ASB3: variants seen among roughly 807,000 people sequenced by gnomAD.
ASB3 encodes ankyrin repeat and SOCS box protein 3.
ASB3 carries 41 observed loss-of-function variants against 54.5 expected under a neutral mutation model. That is an observed-to-expected ratio of 0.75 (90% CI 0.59 to 0.98). The LOEUF (loss-of-function observed/expected upper bound fraction) is 0.98, where lower values mean the gene tolerates loss of function less well. Ranked by LOEUF, ASB3 falls within the 50% of genes least tolerant of loss-of-function variation. The pLI is 0.00. For missense variants in ASB3, 733 were observed against 620.0 expected, an observed-to-expected ratio of 1.18 and a Z score of -1.94; for synonymous variants, 266 against 221.2, an observed-to-expected ratio of 1.20 and a Z score of -1.80.
intron 3 of ASB3, among the ~76,000 whole-genome samples, chr2:53,746,195 TGAG>T (rs1476714368): frequency 1.3e-5 from 2 of 152,160 alleles, no homozygotes; most frequent in Admixed American, 6.5e-5. Context: ...CTCAAGAGGC[TGAG>T]GCAGGAGGAT....
At chr2:53,676,966 G>A (rs1033897507) in intron 9 of ASB3, among the ~76,000 whole-genome samples, 4 of 151,910 alleles carry the variant, frequency 2.6e-5, no homozygotes, top group Non-Finnish European at 4.4e-5. Flanking sequence ...ACAGGATTTC[G>A]CCATGTTGGC....
At chr2:53,703,742 A>G (rs535983729) in intron 7 of ASB3, among the ~76,000 whole-genome samples, 1 of 152,354 alleles carries the variant, frequency 6.6e-6, no homozygotes, top group South Asian at 2.1e-4. Flanking sequence ...CAAATAGTAA[A>G]TTAATAGATT....
At chr2:53,752,232 A>G (rs185721158) in intron 2 of ASB3, among the ~76,000 whole-genome samples, 1 of 152,260 alleles carries the variant, frequency 6.6e-6, no homozygotes, top group African/African-American at 2.4e-5. Flanking sequence ...ACTCAAGTTG[A>G]TAAGTCTAGG....
intron 1 of ASB3, among the ~76,000 whole-genome samples, chr2:53,769,142 C>T (rs904594608): frequency 2.0e-5 from 3 of 152,122 alleles, no homozygotes; most frequent in African/African-American, 7.2e-5. Flanking sequence ...AATGTCATGG[C>T]CAAAGTATCT....
chr2:53,704,275 G>A (rs555802407), intron 7 of ASB3, among the ~76,000 whole-genome samples: 2 of 148,996 alleles, frequency 1.3e-5, no homozygotes, highest in Non-Finnish European at 1.5e-5. Context: ...CATGAGAAAC[G>A]CCACAACCCA....
At chr2:53,735,068 C>T (rs1208129215) in intron 3 of ASB3, among the ~76,000 whole-genome samples, 1 of 151,868 alleles carries the variant, frequency 6.6e-6, no homozygotes, top group Non-Finnish European at 1.5e-5. Context: ...TATAGACGTA[C>T]ACCTCCATGC....
intron 3 of ASB3, among the ~76,000 whole-genome samples, chr2:53,731,272 C>A (rs76733340): frequency 6.6e-6 from 1 of 151,936 alleles, no homozygotes; most frequent in Non-Finnish European, 1.5e-5. Context: ...CATGGTGGCA[C>A]GCACCTGTAA....
At chr2:53,756,043 G>A (rs1335129030) in intron 2 of ASB3, among the ~76,000 whole-genome samples, 1 of 150,660 alleles carries the variant, frequency 6.6e-6, no homozygotes, top group African/African-American at 2.4e-5. Context: ...GCATATGTCT[G>A]CGGTCCCAGT....
rs144428291 is a variant in ASB3 at position 53,699,441 on chromosome 2, G to A, written c.1238+830C>T. On this transcript the variant is annotated intron_variant, in intron 8 of 9. Transcript: ENST00000263634. ...CTGAAAGTACTGGGCAAGTCATATCGAATCAGAGTTAATAGCTTTGGTAGA... is the reference window on the plus strand; with the variant it reads ...CTGAAAGTACTGGGCAAGTCATATCAAATCAGAGTTAATAGCTTTGGTAGA... Among the ~76,000 whole-genome samples the A allele has an allele frequency of 5.8e-4, 89 of 152,292 alleles. 2 individuals are homozygous for A. The East Asian group carries it at 0.016, about 27-fold the overall frequency.
At chr2:53,711,000 C>T (rs1295069917) in intron 7 of ASB3, among the ~76,000 whole-genome samples, 3 of 151,886 alleles carry the variant, frequency 2.0e-5, no homozygotes, top group Non-Finnish European at 4.4e-5. Context: ...CATGGTGGCG[C>T]ACAACCGTAG....
intron 5 of ASB3, among the ~76,000 whole-genome samples, chr2:53,726,988 T>C (rs1230450089): frequency 6.6e-6 from 1 of 152,060 alleles, no homozygotes; most frequent in Non-Finnish European, 1.5e-5. Context: ...CACTAATAAT[T>C]GAAACTTATG....
intron 2 of ASB3, among the ~76,000 whole-genome samples, chr2:53,764,200 A>T (rs1673307700): frequency 6.6e-6 from 1 of 152,188 alleles, no homozygotes; most frequent in African/African-American, 2.4e-5. Context: ...TGCAGGAAAG[A>T]GGGTCTGAAT....
rs549477625 is a variant in ASB3, at chr2:53,779,619, T to A, written c.-14+7202A>T. 5.9e-5 allele frequency among the ~76,000 whole-genome samples: 9 copies of A among 152,248 alleles called. No homozygotes were observed. The South Asian group carries it at 1.4e-3, about 25-fold the overall frequency. ...GCCTGGCTAATTTTTGCATTTTTTG[T>A]AGAGATGGAGTTTCACCATGTTGCC... On this transcript the variant is annotated intron_variant, in intron 1 of 9. Transcript: ENST00000263634.
chr2:53,754,069 C>T (rs1405093089), intron 2 of ASB3, among the ~76,000 whole-genome samples: 1 of 152,034 alleles, frequency 6.6e-6, no homozygotes, highest in East Asian at 1.9e-4. Flanking sequence ...AAAAGTAAAA[C>T]GTGCTCAAAA....
intron 2 of ASB3, among the ~76,000 whole-genome samples, chr2:53,761,431 A>G (rs1673141097): frequency 6.6e-6 from 1 of 152,006 alleles, no homozygotes; most frequent in Admixed American, 6.5e-5. Flanking sequence ...AAATGAAAAA[A>G]AAAAGGCAGA....
At chr2:53,731,123 C>T (rs999172307) in intron 3 of ASB3, among the ~76,000 whole-genome samples, 1 of 152,136 alleles carries the variant, frequency 6.6e-6, no homozygotes, top group Non-Finnish European at 1.5e-5. Flanking sequence ...AATTCTCCAC[C>T]GAGTGTGGTG....
At chr2:53,688,642 T>C (rs1477755729) in intron 9 of ASB3, among the ~76,000 whole-genome samples, 1 of 152,164 alleles carries the variant, frequency 6.6e-6, no homozygotes, top group Non-Finnish European at 1.5e-5. Context: ...AACTTCTCCA[T>C]AGCTAGAAAG....
chr2:53,783,121 A>G (rs1249548050), intron 1 of ASB3, among the ~76,000 whole-genome samples: 2 of 152,148 alleles, frequency 1.3e-5, no homozygotes, highest in African/African-American at 4.8e-5. Flanking sequence ...AAAGGATGAA[A>G]ATAAACAACT....
intron 3 of ASB3, among the ~76,000 whole-genome samples, chr2:53,734,174 G>A (rs1671485278): frequency 6.6e-6 from 1 of 152,088 alleles, no homozygotes; most frequent in Non-Finnish European, 1.5e-5. Context: ...TTTGTTTATG[G>A]CCAGTTTTCG....
Sources: gnomAD v4.1 joint callset for allele counts (sites outside exome capture counted in the v4.1 genomes callset) on GRCh38, gnomAD v4.1.1 for gene constraint, MANE v1.5 for transcripts, NCBI Gene and HGNC (gene_info 2026-07-23, HGNC 2026-07-21) for gene names.